The following SEMA3C variants were observed in gnomAD, a reference collection of about 807,000 sequenced individuals.
SEMA3C encodes semaphorin 3C.
SEMA3C carries 47 observed loss-of-function variants against 89.4 expected under a neutral mutation model. The observed-to-expected ratio is 0.53, with a 90% CI of 0.42 to 0.67. The LOEUF (loss-of-function observed/expected upper bound fraction) is 0.67. Ranked by LOEUF, SEMA3C falls within the 30% of genes least tolerant of loss-of-function variation. The probability of loss-of-function intolerance (pLI) is 0.00; values close to 1 mark genes in which losing one functional copy is unlikely to be tolerated. For missense variants in SEMA3C, 839 were observed against 929.1 expected (o/e 0.90, Z 1.26); for synonymous variants, 310 against 320.2 (o/e 0.97, Z 0.34).
intron 2 of SEMA3C, among the ~76,000 whole-genome samples, chr7:80,911,504 T>C (rs991863134): frequency 2.0e-5 from 3 of 152,186 alleles, no homozygotes; most frequent in African/African-American, 7.2e-5. Context: ...ATGATCAACA[T>C]GTGAACAAAT....
intron 2 of SEMA3C, among the ~76,000 whole-genome samples, chr7:80,843,926 T>G (rs1452207457): frequency 7.3e-6 from 1 of 136,536 alleles, no homozygotes; most frequent in African/African-American, 2.8e-5. Context: ...ACTGAGAACA[T>G]ACAAAGTACC....
rs571451962 is a variant in SEMA3C at position 80,919,035 on chromosome 7, A to G, written c.-246T>C. ...CCGGAGCTCTTCTCCGCGTCGCTCA[A>G]TCAAGCACCTCGGAGTGAATGGAAA... On this transcript the variant is annotated 5_prime_UTR_variant, in exon 1 of 18. Coordinates refer to ENST00000265361, the MANE Select transcript of SEMA3C (RefSeq NM_006379.5). The G allele has an allele frequency of 3.1e-4, 306 of 985,256 alleles. 7 individuals are homozygous for G. In the South Asian group the frequency reaches 0.011, roughly 35 times the overall value. The allele number at this position is 985,256 out of a possible 1,614,324, so 61.0% of individuals were successfully genotyped here.
At chr7:80,852,310 G>A (rs1190212834) in intron 2 of SEMA3C, among the ~76,000 whole-genome samples, 1 of 152,122 alleles carries the variant, frequency 6.6e-6, no homozygotes, top group African/African-American at 2.4e-5. Context: ...TGAAATGCAT[G>A]GTTATCCCCT....
Position 80,804,203 on chromosome 7 carries a change from G to T in SEMA3C, c.704C>A (p.Pro235Gln). The T allele has an allele frequency of 6.2e-7, 1 of 1,611,768 alleles. No homozygotes were observed. The highest frequency in any genetic ancestry group is 2.2e-5 in the East Asian group (1 of 44,726). Residue 235 changes from proline to glutamine, a missense_variant, in exon 8 of 18, where the codon CCA (proline) becomes CAA (glutamine). Coordinates refer to ENST00000265361, the MANE Select transcript of SEMA3C (RefSeq NM_006379.5). ...GAAGAAGTACACCTTAGCATCATTT[G>T]GATCAGTACCATCTGGGATGACATG... ...DAHVIPDGTDPNDAKVYFFFK... is the reference protein window; with the variant it reads ...DAHVIPDGTDQNDAKVYFFFK...
chr7:80,800,527 G>C (rs1380242806), intron 10 of SEMA3C, among the ~76,000 whole-genome samples: 1 of 152,004 alleles, frequency 6.6e-6, no homozygotes, highest in Admixed American at 6.6e-5. Context: ...TGATTTGTTT[G>C]ATAAAAATAT....
upstream of SEMA3C, among the ~76,000 whole-genome samples, chr7:80,919,842 A>G (rs1792375727): frequency 6.6e-6 from 1 of 152,082 alleles, no homozygotes; most frequent in African/African-American, 2.4e-5. Flanking sequence ...CAAAGTGCCG[A>G]GAGCCACCGC....
intron 17 of SEMA3C, among the ~76,000 whole-genome samples, chr7:80,748,357 C>T (rs1338576684): frequency 6.6e-6 from 1 of 152,102 alleles, no homozygotes; most frequent in Non-Finnish European, 1.5e-5. Flanking sequence ...ACTTTTTCCA[C>T]ATCACTAAAT....
intron 11 of SEMA3C, among the ~76,000 whole-genome samples, chr7:80,793,849 C>T (rs190739812): frequency 4.6e-5 from 7 of 150,862 alleles, no homozygotes; most frequent in African/African-American, 1.7e-4. Flanking sequence ...CTAGCACGGT[C>T]GAGGGGATCT....
intron 2 of SEMA3C, among the ~76,000 whole-genome samples, chr7:80,903,561 C>G (rs932058356): frequency 5.4e-4 from 82 of 152,200 alleles, no homozygotes; most frequent in Non-Finnish European, 5.9e-5. Flanking sequence ...ACTCAGGAGG[C>G]TGAGACAGGA....
At chr7:80,816,995 T>C (rs535934824) in intron 5 of SEMA3C, among the ~76,000 whole-genome samples, 34 of 152,344 alleles carry the variant, frequency 2.2e-4, no homozygotes, top group Middle Eastern at 3.4e-3. Context: ...CAGGGAAGTG[T>C]CTGACAGATT....
chr7:80,914,564 T>C (rs1235636303), intron 2 of SEMA3C, among the ~76,000 whole-genome samples: 1 of 152,192 alleles, frequency 6.6e-6, no homozygotes, highest in Non-Finnish European at 1.5e-5. Context: ...TTATTAGATG[T>C]ATTCTCACTG....
chr7:80,857,770 G>A (rs1790675045), intron 2 of SEMA3C, among the ~76,000 whole-genome samples: 1 of 152,132 alleles, frequency 6.6e-6, no homozygotes. Context: ...GAATTGGTAT[G>A]AAGAATTTGT....
At chr7:80,749,098 A>G in intron 16 of SEMA3C, 70 bp from the exon 17 acceptor site, 1 of 1,459,302 alleles carries the variant, frequency 6.9e-7, no homozygotes. Context: ...ATTCTCCTGT[A>G]GAAATGCTAT....
chr7:80,781,336 A>T (rs1788686204), intron 12 of SEMA3C, among the ~76,000 whole-genome samples: 1 of 152,198 alleles, frequency 6.6e-6, no homozygotes, highest in South Asian at 2.1e-4. Flanking sequence ...TGCCCACCCC[A>T]TTAGTGGAAG....
chr7:80,848,033 T>C (rs1440527485), intron 2 of SEMA3C, among the ~76,000 whole-genome samples: 2 of 152,214 alleles, frequency 1.3e-5, no homozygotes, highest in Non-Finnish European at 2.9e-5. Context: ...CTGCTCCTTC[T>C]TTCCTGATAT....
intron 13 of SEMA3C, among the ~76,000 whole-genome samples, chr7:80,764,511 C>T (rs751558599): frequency 6.6e-6 from 1 of 152,160 alleles, no homozygotes; most frequent in African/African-American, 2.4e-5. Context: ...AAAGAACATG[C>T]ACTCTGCCCT....
chr7:80,820,054 CTTTTTT>C (rs768363975), intron 4 of SEMA3C, among the ~76,000 whole-genome samples: 2 of 124,124 alleles, frequency 1.6e-5, no homozygotes, highest in African/African-American at 6.0e-5. Flanking sequence ...ATGTATGCTC[CTTTTTT>C]TTTTTTTTTT....
At chr7:80,918,763 T>C in intron 1 of SEMA3C, 65 bp downstream of exon 1, 3 of 945,740 alleles carry the variant, frequency 3.2e-6, no homozygotes, top group Non-Finnish European at 2.5e-6. Context: ...GAAAAATCAA[T>C]ATACAGGCCA....
intron 2 of SEMA3C, among the ~76,000 whole-genome samples, chr7:80,870,848 T>C (rs900717746): frequency 6.6e-6 from 1 of 152,188 alleles, no homozygotes. Flanking sequence ...TTGTGCCTTC[T>C]GGCTAGGAGG....
Sources: gnomAD v4.1 joint callset for allele counts (sites outside exome capture counted in the v4.1 genomes callset) on GRCh38, gnomAD v4.1.1 for gene constraint, MANE v1.5 for transcripts, NCBI Gene and HGNC (gene_info 2026-07-23, HGNC 2026-07-21) for gene names.